The following TTC29 variants were observed in gnomAD, a reference collection of about 807,000 sequenced individuals.
The protein encoded by TTC29 is tetratricopeptide repeat domain 29, also known as tetratricopeptide repeat protein 29.
Under a neutral mutation model 58.1 loss-of-function variants are expected in TTC29, and 49 were observed. The ratio of observed to expected loss-of-function variants is 0.84; its 90% confidence interval spans 0.67 to 1.07. The LOEUF (loss-of-function observed/expected upper bound fraction) is 1.07, where lower values mean the gene tolerates loss of function less well. Among genes scored for constraint, TTC29 ranks in the 50% least tolerant of loss-of-function variants. The pLI, the probability that TTC29 is intolerant of heterozygous loss-of-function variation, is 0.00. For synonymous variants in TTC29, 209 were observed against 196.8 expected (o/e 1.06, Z -0.52); for missense variants, 582 against 555.6 (o/e 1.05, Z -0.48).
intron 11 of TTC29, among the ~76,000 whole-genome samples, chr4:146,728,836 CACATATATAT>C (rs1252297905): frequency 0.013 from 1,312 of 98,488 alleles, 107 homozygotes; most frequent in African/African-American, 0.025. Context: ...CATATATATA[CACATATATAT>C]GTATATATAT....
intron 10 of TTC29, among the ~76,000 whole-genome samples, chr4:146,806,878 C>A (rs1750657037): frequency 6.6e-6 from 1 of 152,060 alleles, no homozygotes; most frequent in Non-Finnish European, 1.5e-5. Context: ...CAGCTGTGGA[C>A]CAAGCAGACC....
intron 11 of TTC29, among the ~76,000 whole-genome samples, chr4:146,799,057 A>G (rs1272885649): frequency 6.6e-6 from 1 of 152,102 alleles, no homozygotes; most frequent in Non-Finnish European, 1.5e-5. Flanking sequence ...AAAGTCACAA[A>G]GCTAATTAGT....
intron 9 of TTC29, among the ~76,000 whole-genome samples, chr4:146,821,258 G>T (rs1751799339): frequency 6.6e-6 from 1 of 152,086 alleles, no homozygotes; most frequent in Admixed American, 6.5e-5. Context: ...TCCTTTTAGG[G>T]TGATTGAAAT....
intron 4 of TTC29, among the ~76,000 whole-genome samples, chr4:146,931,693 T>C (rs1443184315): frequency 1.3e-5 from 2 of 152,214 alleles, no homozygotes; most frequent in Non-Finnish European, 2.9e-5. Context: ...CTATTAGAGC[T>C]GGTAAGCTTA....
At chr4:146,884,007 A>G (rs1213106748) in intron 6 of TTC29, among the ~76,000 whole-genome samples, 1 of 152,104 alleles carries the variant, frequency 6.6e-6, no homozygotes, top group East Asian at 1.9e-4. Context: ...CCATTCAAAG[A>G]TCTTGGACTT....
At chr4:146,819,174 C>T (rs1344973935) in intron 10 of TTC29, among the ~76,000 whole-genome samples, 1 of 151,004 alleles carries the variant, frequency 6.6e-6, no homozygotes, top group Non-Finnish European at 1.5e-5. Flanking sequence ...AGTACTTCTC[C>T]AGCTGTAAAG....
chr4:146,797,112 T>C (rs918926612), intron 11 of TTC29, among the ~76,000 whole-genome samples: 1 of 152,224 alleles, frequency 6.6e-6, no homozygotes, highest in Non-Finnish European at 1.5e-5. Context: ...TGATGAGCAC[T>C]GACAACATTC....
chr4:146,784,975 T>G (rs1420065483), intron 11 of TTC29, among the ~76,000 whole-genome samples: 1 of 152,120 alleles, frequency 6.6e-6, no homozygotes, highest in African/African-American at 2.4e-5. Flanking sequence ...ATAGAAAAAT[T>G]AATTATGTGA....
chr4:146,887,596 T>C (rs1732073800), intron 6 of TTC29, among the ~76,000 whole-genome samples: 1 of 152,142 alleles, frequency 6.6e-6, no homozygotes, highest in East Asian at 1.9e-4. Flanking sequence ...ATCTATCAAA[T>C]TAGGGTTTAG....
At chr4:146,870,282 G>A (rs924505542) in intron 7 of TTC29, among the ~76,000 whole-genome samples, 1 of 151,744 alleles carries the variant, frequency 6.6e-6, no homozygotes, top group Non-Finnish European at 1.5e-5. Flanking sequence ...AAGAACACAA[G>A]GTAAACCAAA....
chr4:146,879,534 A>G (rs559200752), intron 6 of TTC29, among the ~76,000 whole-genome samples: 1 of 152,342 alleles, frequency 6.6e-6, no homozygotes, highest in South Asian at 2.1e-4. Flanking sequence ...ACTAAGCTAA[A>G]TATAAATATC....
chr4:146,927,055 TG>T (rs1247635725), intron 4 of TTC29, among the ~76,000 whole-genome samples: 1 of 129,290 alleles, frequency 7.7e-6, no homozygotes, highest in African/African-American at 3.0e-5. Flanking sequence ...CACTCCAGCC[TG>T]GGCAACAGAG....
rs991850766 is a variant in TTC29 at position 146,904,642 on chromosome 4, T to C, written c.401-913A>G. Among the ~76,000 whole-genome samples the C allele has an allele frequency of 2.0e-4, 30 of 152,200 alleles. 1 individual carries two copies. The highest frequency in any genetic ancestry group is 2.0e-3 in the Admixed American group (30 of 15,260). On this transcript the variant is annotated intron_variant, in intron 5 of 12. Transcript: ENST00000325106. ...TTTGTATTTATGCTGAAATCATAGT[T>C]GTATTATAAAATGCAGTGGTCTCTG... is the stretch of plus-strand genomic sequence containing the variant.
Position 146,839,083 on chromosome 4 carries a change from A to C in TTC29, c.886-5186T>G, listed in dbSNP as rs538680736. 2.6e-5 allele frequency among the ~76,000 whole-genome samples: 4 copies of C among 152,098 alleles called. No homozygotes were observed. The South Asian group carries it at 6.2e-4, about 24-fold the overall frequency. On this transcript the variant is annotated intron_variant, in intron 8 of 12. Transcript: ENST00000325106. The stretch of plus-strand genomic sequence containing the variant: ...AGAGTCACACAGAGTTGTACGAAAT[A>C]ACACAGAGTGATCCCATATACCCTA...
chr4:146,762,653 T>A (rs1222780550), intron 11 of TTC29, among the ~76,000 whole-genome samples: 1 of 151,842 alleles, frequency 6.6e-6, no homozygotes, highest in African/African-American at 2.4e-5. Flanking sequence ...GCCCTTTTTC[T>A]CCTCCTTCTA....
intron 11 of TTC29, among the ~76,000 whole-genome samples, chr4:146,765,273 C>T (rs116246931): frequency 2.9e-4 from 44 of 152,184 alleles, no homozygotes; most frequent in African/African-American, 1.0e-3. Flanking sequence ...GACAAAGTCA[C>T]ATGAAAGAGA....
intron 11 of TTC29, among the ~76,000 whole-genome samples, chr4:146,720,158 C>T (rs1358777533): frequency 6.6e-6 from 1 of 151,998 alleles, no homozygotes; most frequent in Admixed American, 6.6e-5. Flanking sequence ...ATACCATAAA[C>T]ATGTGTAGAA....
chr4:146,706,908 A>G lies in TTC29; in HGVS notation c.*250T>C, dbSNP rs979294332. 3.1e-6 allele frequency: 1 copy of G among 325,948 alleles called. No individual in the cohort carries two copies. Among genetic ancestry groups the G allele is most frequent in the Admixed American group, 4.8e-5 (1 of 20,694 alleles). 20.2% of individuals were successfully genotyped at this position (325,948 alleles called of 1,614,324 possible). On this transcript the variant is annotated 3_prime_UTR_variant, in exon 13 of 13. Transcript: ENST00000325106. ...CACTATTTCTTGTGGAATAGTGGATAAGAGGAAATCATTTATTTCATGGAT... is the reference window on the plus strand; with the variant it reads ...CACTATTTCTTGTGGAATAGTGGATGAGAGGAAATCATTTATTTCATGGAT...
intron 11 of TTC29, among the ~76,000 whole-genome samples, chr4:146,778,997 A>G (rs1217212186): frequency 2.4e-5 from 3 of 126,910 alleles, no homozygotes; most frequent in African/African-American, 6.7e-5. Context: ...AAAAAAAAAA[A>G]AAAAAAGAAA....
Sources: allele counts gnomAD v4.1 joint callset (sites outside exome capture counted in the v4.1 genomes callset), GRCh38; gene constraint gnomAD v4.1.1; transcripts MANE v1.5; gene names NCBI Gene and HGNC (gene_info 2026-07-23, HGNC 2026-07-21).